The following CRB1 variants were observed in gnomAD, a reference collection of about 807,000 sequenced individuals.
CRB1 encodes the protein crumbs cell polarity complex component 1.
A neutral mutation model predicts 120.0 loss-of-function variants in CRB1; 83 were observed. The observed-to-expected ratio is 0.69, with a 90% confidence interval of 0.58 to 0.83. The LOEUF is 0.83. Among genes scored for constraint, CRB1 ranks in the 40% least tolerant of loss-of-function variants. CRB1 has a pLI of 0.00. For synonymous variants in CRB1, 625 were observed against 612.5 expected (o/e 1.02, Z -0.30); for missense variants, 1,699 against 1,687.6 (o/e 1.01, Z -0.12).
intron 11 of CRB1, among the ~76,000 whole-genome samples, chr1:197,471,015 C>G (rs1247653412): frequency 6.6e-6 from 1 of 152,064 alleles, no homozygotes; most frequent in African/African-American, 2.4e-5. Flanking sequence ...TATGTTACAT[C>G]AGTTTTTTTT....
At chr1:197,415,328 T>C (rs967475387) in intron 5 of CRB1, among the ~76,000 whole-genome samples, 3 of 152,196 alleles carry the variant, frequency 2.0e-5, no homozygotes, top group African/African-American at 7.2e-5. Context: ...TACATATCCC[T>C]GTGAAGGTGA....
chr1:197,397,590 A>G (rs1332201623), intron 5 of CRB1, among the ~76,000 whole-genome samples: 3 of 152,170 alleles, frequency 2.0e-5, no homozygotes, highest in Admixed American at 6.6e-5. Context: ...GAATGGATAA[A>G]CAGTCTTACC....
At chr1:197,384,141 A>C (rs1662095471) in intron 5 of CRB1, among the ~76,000 whole-genome samples, 1 of 152,146 alleles carries the variant, frequency 6.6e-6, no homozygotes, top group South Asian at 2.1e-4. Flanking sequence ...TCTGTGCCAG[A>C]CCTTGTTTTA....
the CRB1 span, among the ~76,000 whole-genome samples, chr1:197,223,911 C>A: frequency 6.6e-6 from 1 of 152,004 alleles, no homozygotes; most frequent in Non-Finnish European, 1.5e-5. Flanking sequence ...AGTATAGATG[C>A]TTTTAATTAT....
At chr1:197,405,246 T>G (rs1663291939) in intron 5 of CRB1, among the ~76,000 whole-genome samples, 1 of 152,184 alleles carries the variant, frequency 6.6e-6, no homozygotes, top group African/African-American at 2.4e-5. Context: ...TGACTGGTTT[T>G]CTTATTTTTT....
intron 5 of CRB1, among the ~76,000 whole-genome samples, chr1:197,366,580 A>C (rs1015410631): frequency 2.0e-5 from 3 of 152,210 alleles, no homozygotes; most frequent in African/African-American, 7.2e-5. Context: ...CCAGAGTAGA[A>C]AATTAACTGA....
chr1:197,297,084 A>G (rs1489793269), intron 1 of CRB1, among the ~76,000 whole-genome samples: 1 of 151,862 alleles, frequency 6.6e-6, no homozygotes, highest in Non-Finnish European at 1.5e-5. Flanking sequence ...TGTTCTTGCT[A>G]TATTGGGCTT....
chr1:197,336,048 G>A (rs892359270), intron 2 of CRB1, among the ~76,000 whole-genome samples: 16 of 152,122 alleles, frequency 1.1e-4, no homozygotes, highest in Admixed American at 3.9e-4. Flanking sequence ...TGTCTTTCAC[G>A]TACACAACTG....
intron 2 of CRB1, among the ~76,000 whole-genome samples, chr1:197,334,556 T>G (rs1361436192): frequency 6.6e-6 from 1 of 152,204 alleles, no homozygotes; most frequent in African/African-American, 2.4e-5. Context: ...CTCTGGAGGA[T>G]GCAGCCTTCA....
chr1:197,226,220 A>C, the CRB1 span, among the ~76,000 whole-genome samples: 2 of 152,310 alleles, frequency 1.3e-5, no homozygotes, highest in Non-Finnish European at 2.9e-5. Flanking sequence ...ATGTGATTCT[A>C]CCATGAGGTC....
chr1:197,424,646 C>G (rs1003040375), intron 6 of CRB1, among the ~76,000 whole-genome samples: 2 of 152,116 alleles, frequency 1.3e-5, no homozygotes, highest in Non-Finnish European at 2.9e-5. Flanking sequence ...ACAACATTGA[C>G]TTTTTGGCAG....
chr1:197,223,237 G>A, the CRB1 span: 1 of 1,120,262 alleles, frequency 8.9e-7, no homozygotes, highest in Non-Finnish European at 1.3e-6. Context: ...TTACAAACCA[G>A]AAGATTCGAA....
At chr1:197,369,945 T>C (rs564584775) in intron 5 of CRB1, among the ~76,000 whole-genome samples, 64 of 152,300 alleles carry the variant, frequency 4.2e-4, no homozygotes, top group Non-Finnish European at 6.5e-4. Context: ...CCAAATCTCA[T>C]GTTTGACTAG....
intron 5 of CRB1, among the ~76,000 whole-genome samples, chr1:197,396,397 C>T (rs1182599996): frequency 6.6e-6 from 1 of 152,018 alleles, no homozygotes; most frequent in Non-Finnish European, 1.5e-5. Context: ...TTAATTTTTG[C>T]AAATTTAATC....
At chr1:197,311,717 G>GTA (rs1553246879) in intron 1 of CRB1, among the ~76,000 whole-genome samples, 45 of 150,922 alleles carry the variant, frequency 3.0e-4, no homozygotes, top group African/African-American at 1.0e-3. Context: ...GTGTGTGTGT[G>GTA]TGTGTGTGTG....
intron 1 of CRB1, among the ~76,000 whole-genome samples, chr1:197,321,082 G>A (rs1036277044): frequency 2.6e-5 from 4 of 152,144 alleles, no homozygotes; most frequent in Non-Finnish European, 4.4e-5. Flanking sequence ...AATTCATTAC[G>A]TAATCACTTG....
chr1:197,365,237 A>C (rs958459476), intron 5 of CRB1, among the ~76,000 whole-genome samples: 41 of 151,948 alleles, frequency 2.7e-4, no homozygotes, highest in African/African-American at 9.7e-4. Context: ...GAGAAATGGG[A>C]GTCTTTGATT....
chr1:197,268,022 G>C (rs1318033006), upstream of CRB1, among the ~76,000 whole-genome samples: 1 of 152,152 alleles, frequency 6.6e-6, no homozygotes, highest in Admixed American at 6.6e-5. Context: ...GATCATAATT[G>C]TGTGGCAAGG....
At chr1:197,405,286 C>T (rs984888364) in intron 5 of CRB1, among the ~76,000 whole-genome samples, 17 of 152,240 alleles carry the variant, frequency 1.1e-4, no homozygotes, top group South Asian at 4.1e-4. Context: ...CTGTGTTGGC[C>T]GGGCTGGTCT....
Sources: gnomAD v4.1 joint callset for allele counts (sites outside exome capture counted in the v4.1 genomes callset) on GRCh38, gnomAD v4.1.1 for gene constraint, MANE v1.5 for transcripts, NCBI Gene and HGNC (gene_info 2026-07-23, HGNC 2026-07-21) for gene names.